The following FRMD6 variants were observed in gnomAD, a reference collection of about 807,000 sequenced individuals.
FRMD6 encodes FERM domain-containing protein 6.
Under a neutral mutation model 73.2 loss-of-function variants are expected in FRMD6, and 37 were observed. The ratio of observed to expected loss-of-function variants is 0.51; its 90% confidence interval spans 0.39 to 0.66. The LOEUF is 0.66. Ranked by LOEUF, FRMD6 falls within the 30% of genes least tolerant of loss-of-function variation. The pLI is 0.00. For missense variants in FRMD6, 714 were observed against 780.5 expected (o/e 0.91, Z 1.02); for synonymous variants, 273 against 282.2 (o/e 0.97, Z 0.33).
chr14:51,503,864 T>TGG (rs1213623911), intron 1 of FRMD6, among the ~76,000 whole-genome samples: 1 of 131,412 alleles, frequency 7.6e-6, no homozygotes, highest in African/African-American at 2.9e-5. Flanking sequence ...GGTTTTTTTT[T>TGG]GGGGGGGGGT....
chr14:51,673,192 C>T (rs745329025), intron 1 of FRMD6, among the ~76,000 whole-genome samples: 2 of 152,106 alleles, frequency 1.3e-5, no homozygotes, highest in Non-Finnish European at 1.5e-5. Context: ...GAGAACTATG[C>T]CCAGCTCTAT....
At chr14:51,727,069 AC>A (rs1012987470) in intron 13 of FRMD6, among the ~76,000 whole-genome samples, 3 of 151,650 alleles carry the variant, frequency 2.0e-5, no homozygotes, top group Admixed American at 6.6e-5. Context: ...ATTTGGCGGA[AC>A]CCCCCCACCC....
chr14:51,543,088 T>C (rs939541997), intron 1 of FRMD6, among the ~76,000 whole-genome samples: 3 of 152,080 alleles, frequency 2.0e-5, no homozygotes, highest in African/African-American at 7.2e-5. Flanking sequence ...GTTTTTACTT[T>C]TGACAAAGTC....
the FRMD6 span, among the ~76,000 whole-genome samples, chr14:51,408,416 A>T: frequency 6.6e-6 from 1 of 152,160 alleles, no homozygotes; most frequent in African/African-American, 2.4e-5. Flanking sequence ...ATGTTAACAT[A>T]TACCATAGTC....
chr14:51,484,022 C>T, the FRMD6 span, among the ~76,000 whole-genome samples: 1 of 152,058 alleles, frequency 6.6e-6, no homozygotes, highest in East Asian at 1.9e-4. Context: ...TCCGTTACAC[C>T]ATGTTGTCTT....
chr14:51,709,444 C>T (rs1428460156), intron 7 of FRMD6, among the ~76,000 whole-genome samples: 3 of 152,090 alleles, frequency 2.0e-5, no homozygotes, highest in African/African-American at 7.2e-5. Context: ...CTCTACTTTG[C>T]CTTTTGTGGT....
chr14:51,507,101 C>CACACACAA (rs1484227759), intron 1 of FRMD6, among the ~76,000 whole-genome samples: 2 of 111,534 alleles, frequency 1.8e-5, no homozygotes, highest in Non-Finnish European at 3.5e-5. Context: ...CACACACACA[C>CACACACAA]ACACACACAC....
the FRMD6 span, among the ~76,000 whole-genome samples, chr14:51,442,432 G>T: frequency 6.6e-6 from 1 of 151,660 alleles, no homozygotes; most frequent in Non-Finnish European, 1.5e-5. Flanking sequence ...TTTAGTAATT[G>T]CCCAGTGATA....
chr14:51,413,562 A>G, the FRMD6 span, among the ~76,000 whole-genome samples: 9 of 152,140 alleles, frequency 5.9e-5, no homozygotes, highest in Admixed American at 5.2e-4. Flanking sequence ...TCTATCATTG[A>G]TGGACATTTG....
chr14:51,644,643 G>A (rs1001601112), intron 2 of FRMD6, among the ~76,000 whole-genome samples: 2 of 152,140 alleles, frequency 1.3e-5, no homozygotes, highest in Admixed American at 1.3e-4. Flanking sequence ...TGTATATTAA[G>A]TCTGTATTGT....
At chr14:51,504,474 G>T (rs535839436) in intron 1 of FRMD6, among the ~76,000 whole-genome samples, 1 of 152,270 alleles carries the variant, frequency 6.6e-6, no homozygotes, top group Non-Finnish European at 1.5e-5. Flanking sequence ...TACTTTTTTT[G>T]TGCTGGCTGG....
rs59151771 is a variant in FRMD6, at chr14:51,599,058, C to CTTTTTTTTTTTTTTTTTTT, written c.-147+28657_-147+28675dup. 5.1e-4 allele frequency among the ~76,000 whole-genome samples: 37 copies of CTTTTTTTTTTTTTTTTTTT among 72,820 alleles called. 4 individuals are homozygous for CTTTTTTTTTTTTTTTTTTT. Among genetic ancestry groups the CTTTTTTTTTTTTTTTTTTT allele is most frequent in the East Asian group, 1.9e-3 (4 of 2,062 alleles). The allele number at this position is 72,820 out of a possible 152,430, so 47.8% of individuals were successfully genotyped here. On this transcript the variant is annotated intron_variant, in intron 2 of 14. Coordinates refer to the FRMD6 transcript ENST00000356218. ...TCTCAGCAGCCTTGCCAGTATCTGT[C>CTTTTTTTTTTTTTTTTTTT]TTTTTTTTTTTTTTTTTTTTTTTTT...
chr14:51,558,955 C>T (rs554378377), intron 1 of FRMD6, among the ~76,000 whole-genome samples: 1 of 152,268 alleles, frequency 6.6e-6, no homozygotes, highest in African/African-American at 2.4e-5. Flanking sequence ...TATAGCTTTG[C>T]TTTTAGACAT....
the FRMD6 span, among the ~76,000 whole-genome samples, chr14:51,418,281 C>T: frequency 6.6e-6 from 1 of 152,174 alleles, no homozygotes; most frequent in Non-Finnish European, 1.5e-5. Context: ...TTCTCCCCAT[C>T]TTTGTGGTTT....
Position 51,688,924 on chromosome 14 carries a change from T to C in FRMD6, c.-146-767T>C, listed in dbSNP as rs147023333. On this transcript the variant is annotated intron_variant, in intron 1 of 13. Transcript: ENST00000344768. ...GTCAAAAACCTGATAAGTTAAACAA[T>C]ACAGTTAATATGTTTAATAGAACTA... 2.0e-4 allele frequency among the ~76,000 whole-genome samples: 30 copies of C among 152,296 alleles called. No homozygotes were observed. In the East Asian group the frequency reaches 5.4e-3, roughly 27 times the overall value.
At chr14:51,629,578 C>T (rs1044514889) in intron 2 of FRMD6, among the ~76,000 whole-genome samples, 21 of 152,306 alleles carry the variant, frequency 1.4e-4, no homozygotes, top group East Asian at 1.9e-4. Context: ...AAGCATTCTA[C>T]GGTGACTAGA....
intron 1 of FRMD6, among the ~76,000 whole-genome samples, chr14:51,528,052 G>A (rs985659042): frequency 2.6e-5 from 4 of 152,278 alleles, no homozygotes; most frequent in Non-Finnish European, 4.4e-5. Flanking sequence ...TGAGTCCAGA[G>A]GATCATTTGA....
Position 51,640,289 on chromosome 14 carries a change from T to A in FRMD6, c.-146-49402T>A, listed in dbSNP as rs144972821. On this transcript the variant is annotated intron_variant, in intron 2 of 14. Coordinates refer to the FRMD6 transcript ENST00000356218. Reference sequence around the variant, plus strand: ...GATAGAGTTACAATACCTAAAGCATTTTGGGGCTTCAAATTAAACATTTCA... The same window carrying A: ...GATAGAGTTACAATACCTAAAGCATATTGGGGCTTCAAATTAAACATTTCA... Among the ~76,000 whole-genome samples the A allele has an allele frequency of 1.2e-3, 178 of 152,340 alleles. 2 individuals carry two copies. Among genetic ancestry groups the A allele is most frequent in the African/African-American group, 4.1e-3 (171 of 41,572 alleles).
At chr14:51,469,691 C>T in the FRMD6 span, among the ~76,000 whole-genome samples, 5 of 148,798 alleles carry the variant, frequency 3.4e-5, no homozygotes, top group African/African-American at 1.2e-4. Flanking sequence ...AATTTGCCAA[C>T]ATTTTATTAA....
Sources: allele counts gnomAD v4.1 joint callset (sites outside exome capture counted in the v4.1 genomes callset), GRCh38; gene constraint gnomAD v4.1.1; transcripts MANE v1.5; gene names NCBI Gene and HGNC (gene_info 2026-07-23, HGNC 2026-07-21).